ATP7A: variants seen among roughly 807,000 people sequenced by gnomAD.
The protein encoded by ATP7A is ATPase copper transporting alpha, also known as copper-transporting ATPase 1.
Under a neutral mutation model 83.5 loss-of-function variants are expected in ATP7A, and 7 were observed. The observed-to-expected ratio is 0.08, with a 90% CI of 0.05 to 0.16. The LOEUF (loss-of-function observed/expected upper bound fraction) is 0.16. Ranked by LOEUF, ATP7A falls within the 10% of genes least tolerant of loss-of-function variation. ATP7A has a pLI of 1.00. For missense variants in ATP7A, 940 were observed against 1,120.8 expected (o/e 0.84, Z 2.30); for synonymous variants, 354 against 395.2 (o/e 0.90, Z 1.24).
At chrX:78,015,915 T>C (rs1557235116) in intron 12 of ATP7A, 34 bp downstream of exon 12, 3 of 1,203,901 alleles carry the variant, frequency 2.5e-6, no homozygotes, top group Non-Finnish European at 3.4e-6. Context: ...ACCAAAATGT[T>C]AAGAAAAATA....
rs782522450 is a variant in ATP7A, at chrX:77,910,763, C to G, written c.-94C>G. On this transcript the variant is annotated 5_prime_UTR_variant, in exon 1 of 23. Coordinates refer to ENST00000341514, the MANE Select transcript of ATP7A (RefSeq NM_000052.7). ...TCCGATTGTGTGAGCTTTGTTGGAG[C>G]CTGCGTACGTGGATTTATCGCTGCC... The G allele has an allele frequency of 1.9e-4, 21 of 112,223 alleles. No homozygotes were observed. The highest frequency in any genetic ancestry group is 6.5e-4 in the African/African-American group (20 of 30,952). 9.2% of individuals were successfully genotyped at this position (112,223 alleles called of 1,213,427 possible). A position where few individuals can be genotyped will look rare whatever the true frequency, so the allele number is the denominator to read the frequency against.
intron 1 of ATP7A, among the ~76,000 whole-genome samples, chrX:77,958,030 C>A (rs2077454867): frequency 9.0e-6 from 1 of 110,936 alleles, no homozygotes; most frequent in African/African-American, 3.3e-5. Flanking sequence ...GGCACCATCT[C>A]CTTGGTGATA....
chrX:77,955,687 T>C (rs1441120148), intron 1 of ATP7A, among the ~76,000 whole-genome samples: 1 of 111,096 alleles, frequency 9.0e-6, no homozygotes, highest in Admixed American at 9.6e-5. Flanking sequence ...TTTTGTAATG[T>C]ACAATACCTT....
Position 78,013,024 on chromosome X carries a change from C to A in ATP7A, c.2318C>A (p.Ala773Asp). The A allele has an allele frequency of 8.3e-7, 1 of 1,210,528 alleles. No individual in the cohort carries two copies. The highest frequency in any genetic ancestry group is 1.1e-6 in the Non-Finnish European group (1 of 894,833). The change falls in exon 10 of 23, where the codon GCC becomes GAC. Residue 773 changes from alanine (A) to aspartate (D), a missense_variant. By Grantham distance (126) the Ala-to-Asp change is moderately radical. Coordinates refer to ENST00000341514, the MANE Select transcript of ATP7A (RefSeq NM_000052.7). Reference protein sequence around the residue: ...IILLVAMYERAKVNPITFFDT... With the variant: ...IILLVAMYERDKVNPITFFDT... Reference sequence around the variant, plus strand: ...CTTCTAGTTGCAATGTATGAGAGAGCCAAAGTGAACCCTATTACTTTCTTT... The same window carrying A: ...CTTCTAGTTGCAATGTATGAGAGAGACAAAGTGAACCCTATTACTTTCTTT...
intron 5 of ATP7A, 128 bp downstream of exon 5, chrX:77,998,812 TG>T (rs2077721008): frequency 2.7e-6 from 2 of 739,804 alleles, no homozygotes; most frequent in Non-Finnish European, 4.2e-6. Context: ...CAGTAATGTG[TG>T]GGACAACCCC....
intron 6 of ATP7A, 128 bp from the exon 7 acceptor site, chrX:78,008,974 C>A: frequency 1.4e-6 from 1 of 701,739 alleles, no homozygotes; most frequent in Non-Finnish European, 2.2e-6. Context: ...CGAGATCGCA[C>A]CACTGCATTC....
At chrX:78,021,763 C>T (rs188673210) in intron 14 of ATP7A, among the ~76,000 whole-genome samples, 156 of 111,533 alleles carry the variant, frequency 1.4e-3, no homozygotes, top group African/African-American at 4.9e-3. Context: ...TAGGTGAAAG[C>T]ATCTAACATA....
intron 2 of ATP7A, among the ~76,000 whole-genome samples, chrX:77,982,225 A>G (rs2077608886): frequency 8.9e-6 from 1 of 112,074 alleles, no homozygotes; most frequent in Non-Finnish European, 1.9e-5. Flanking sequence ...CATCTGTAAA[A>G]TAACAGAATC....
chrX:78,018,176 T>C (rs1212534580), intron 12 of ATP7A, among the ~76,000 whole-genome samples: 2 of 109,086 alleles, frequency 1.8e-5, no homozygotes, highest in African/African-American at 6.6e-5. Flanking sequence ...TGGACTTCAT[T>C]GTTCACATCA....
intron 1 of ATP7A, among the ~76,000 whole-genome samples, chrX:77,940,705 C>G (rs1603373369): frequency 9.1e-6 from 1 of 110,085 alleles, no homozygotes; most frequent in East Asian, 2.8e-4. Flanking sequence ...GCAAAGATCT[C>G]TTACCTATCT....
At chrX:77,965,030 G>A (rs375462421) in intron 1 of ATP7A, 37 of 118,713 alleles carry the variant, frequency 3.1e-4, no homozygotes, top group Non-Finnish European at 5.6e-4. Context: ...TTACACTCCC[G>A]CCAACAATGT....
chrX:77,981,986 A>G (rs1322810199), intron 2 of ATP7A, among the ~76,000 whole-genome samples: 2 of 111,577 alleles, frequency 1.8e-5, no homozygotes, highest in Non-Finnish European at 3.8e-5. Flanking sequence ...TCAATATTCT[A>G]TATTGAAGCA....
At chrX:78,010,165 C>G (rs2077808058) in intron 7 of ATP7A, among the ~76,000 whole-genome samples, 1 of 112,071 alleles carries the variant, frequency 8.9e-6, no homozygotes, top group Non-Finnish European at 1.9e-5. Context: ...TGCCAGTTAC[C>G]AAGATTGCAA....
intron 5 of ATP7A, among the ~76,000 whole-genome samples, chrX:78,002,184 C>T (rs1557233220): frequency 9.2e-6 from 1 of 109,064 alleles, no homozygotes; most frequent in African/African-American, 3.3e-5. Flanking sequence ...ATCTTCCCAC[C>T]TCAGCTTCCT....
intron 17 of ATP7A, among the ~76,000 whole-genome samples, 171 bp from the exon 18 acceptor site, chrX:78,038,665 A>G (rs2078028769): frequency 8.9e-6 from 1 of 112,037 alleles, no homozygotes; most frequent in African/African-American, 3.2e-5. Context: ...GCCCAGAGGC[A>G]TGGAAGAACA....
At chrX:77,999,678 C>T (rs781900082) in intron 5 of ATP7A, among the ~76,000 whole-genome samples, 8 of 111,036 alleles carry the variant, frequency 7.2e-5, no homozygotes, top group Admixed American at 2.9e-4. Flanking sequence ...CCGAGGTGGG[C>T]GGATCGCCTG....
intron 15 of ATP7A, 67 bp from the exon 16 acceptor site, chrX:78,031,333 C>T (rs2077982560): frequency 9.3e-7 from 1 of 1,072,697 alleles, no homozygotes; most frequent in African/African-American, 1.8e-5. Context: ...CAAAACAGAC[C>T]TTTTTCTTAT....
At chrX:78,015,062 T>C (rs2077852373) in intron 11 of ATP7A, among the ~76,000 whole-genome samples, 1 of 112,513 alleles carries the variant, frequency 8.9e-6, no homozygotes, top group African/African-American at 3.2e-5. Flanking sequence ...TTCCTTAATG[T>C]CACCTAAGAC....
At chrX:77,977,554 C>T (rs2077583116) in intron 2 of ATP7A, among the ~76,000 whole-genome samples, 1 of 112,350 alleles carries the variant, frequency 8.9e-6, no homozygotes, top group African/African-American at 3.2e-5. Context: ...TTGATGTTTG[C>T]AAATACATTC....
Sources: allele counts gnomAD v4.1 joint callset (sites outside exome capture counted in the v4.1 genomes callset), GRCh38; gene constraint gnomAD v4.1.1; transcripts MANE v1.5; gene names NCBI Gene and HGNC (gene_info 2026-07-23, HGNC 2026-07-21).